SLC24A2: variants seen among roughly 807,000 people sequenced by gnomAD.
SLC24A2 encodes the protein sodium/potassium/calcium exchanger 2.
Under a neutral mutation model 62.0 loss-of-function variants are expected in SLC24A2, and 36 were observed. That is an observed-to-expected ratio of 0.58 (90% CI 0.44 to 0.77). The LOEUF is 0.77. SLC24A2 is among the 30% of genes least tolerant of loss of function. The probability of loss-of-function intolerance (pLI) is 0.00; values close to 1 mark genes in which losing one functional copy is unlikely to be tolerated. For synonymous variants in SLC24A2, 358 were observed against 294.0 expected, an observed-to-expected ratio of 1.22 and a Z score of -2.23; for missense variants, 846 against 817.9, an observed-to-expected ratio of 1.03 and a Z score of -0.42.
chr9:19,961,666 G>C, the SLC24A2 span, among the ~76,000 whole-genome samples: 2 of 152,154 alleles, frequency 1.3e-5, no homozygotes, highest in African/African-American at 4.8e-5. Flanking sequence ...ATTGGACTAA[G>C]TAACTCATTT....
At chr9:19,999,469 G>T in the SLC24A2 span, among the ~76,000 whole-genome samples, 3 of 152,236 alleles carry the variant, frequency 2.0e-5, no homozygotes, top group Admixed American at 1.3e-4. Flanking sequence ...GGTAGGAATT[G>T]CTTGATGTAT....
the SLC24A2 span, among the ~76,000 whole-genome samples, chr9:20,213,589 A>T: frequency 6.6e-6 from 1 of 152,104 alleles, no homozygotes; most frequent in Non-Finnish European, 1.5e-5. Flanking sequence ...TGAAAAAGAA[A>T]ATAAATATTT....
At position 19,557,222 on chromosome 9, in the gene SLC24A2, A is replaced by T. The variant is rs537312739; in HGVS notation, c.1348-6954T>A. On this transcript the variant is annotated intron_variant, in intron 7 of 10. Transcript: ENST00000341998. ...GGGCTTTACATCCAGTTATACCAGG[A>T]TTCTCAGCTTTGTTTTGTAATAAAT... 5.8e-4 allele frequency among the ~76,000 whole-genome samples: 88 copies of T among 152,326 alleles called. 1 individual carries two copies. Among genetic ancestry groups the T allele is most frequent in the African/African-American group, 2.0e-3 (85 of 41,568 alleles).
the SLC24A2 span, among the ~76,000 whole-genome samples, chr9:20,261,854 C>A: frequency 6.4e-3 from 947 of 149,120 alleles, 6 homozygotes; most frequent in African/African-American, 0.023. Flanking sequence ...ATTCTCCTGC[C>A]TCAGCCTCCC....
the SLC24A2 span, among the ~76,000 whole-genome samples, chr9:20,275,067 G>GA: frequency 6.6e-6 from 1 of 151,704 alleles, no homozygotes; most frequent in South Asian, 2.1e-4. Context: ...AAGATGATGC[G>GA]ACCCAGCAGG....
the SLC24A2 span, among the ~76,000 whole-genome samples, chr9:20,203,693 A>G: frequency 1.3e-5 from 2 of 152,108 alleles, no homozygotes; most frequent in Non-Finnish European, 2.9e-5. Flanking sequence ...AGAAAAAAAA[A>G]AAGAAGAAGA....
chr9:19,686,493 T>C (rs892615386), intron 2 of SLC24A2, among the ~76,000 whole-genome samples: 1 of 152,086 alleles, frequency 6.6e-6, no homozygotes, highest in Admixed American at 6.6e-5. Context: ...CCAAATCTCA[T>C]CTTGAGTTGT....
the SLC24A2 span, among the ~76,000 whole-genome samples, chr9:20,105,474 A>G: frequency 1.1e-4 from 17 of 150,476 alleles, no homozygotes; most frequent in African/African-American, 4.2e-4. Flanking sequence ...CAAATGTAAA[A>G]GAACAGAAAT....
chr9:20,194,763 A>G, the SLC24A2 span, among the ~76,000 whole-genome samples: 1 of 151,682 alleles, frequency 6.6e-6, no homozygotes, highest in Non-Finnish European at 1.5e-5. Flanking sequence ...CCACATTTCT[A>G]TTTGATTATT....
chr9:19,804,097 T>A, the SLC24A2 span, among the ~76,000 whole-genome samples: 1 of 152,186 alleles, frequency 6.6e-6, no homozygotes, highest in African/African-American at 2.4e-5. Context: ...GTTTTGGCTA[T>A]TCAGGGTCTC....
chr9:20,012,872 C>T, the SLC24A2 span, among the ~76,000 whole-genome samples: 1 of 151,280 alleles, frequency 6.6e-6, no homozygotes, highest in African/African-American at 2.4e-5. Flanking sequence ...ATGTTGAAAA[C>T]TATAATCACT....
intron 7 of SLC24A2, among the ~76,000 whole-genome samples, chr9:19,560,580 G>C (rs1297642572): frequency 6.6e-6 from 1 of 152,162 alleles, no homozygotes; most frequent in Non-Finnish European, 1.5e-5. Flanking sequence ...ACCAGAGACT[G>C]AATCTGCCAG....
chr9:19,892,505 A>C, the SLC24A2 span, among the ~76,000 whole-genome samples: 83 of 152,300 alleles, frequency 5.4e-4, no homozygotes, highest in Non-Finnish European at 9.6e-4. Context: ...ATGTTTGCTG[A>C]CTGCCTGCCT....
the SLC24A2 span, among the ~76,000 whole-genome samples, chr9:20,295,811 G>A: frequency 6.6e-6 from 1 of 152,150 alleles, no homozygotes; most frequent in African/African-American, 2.4e-5. Context: ...CACACTGCCA[G>A]CATCCCAGGG....
chr9:20,297,218 G>A, the SLC24A2 span, among the ~76,000 whole-genome samples: 2 of 152,130 alleles, frequency 1.3e-5, no homozygotes, highest in Non-Finnish European at 2.9e-5. Context: ...GACTGTCCAG[G>A]TGCTACTGTG....
At chr9:20,112,823 CA>C in the SLC24A2 span, among the ~76,000 whole-genome samples, 1 of 151,914 alleles carries the variant, frequency 6.6e-6, no homozygotes, top group Middle Eastern at 3.2e-3. Flanking sequence ...CCTCACCAGC[CA>C]CCCCCCACCT....
chr9:19,587,014 C>G (rs1836395516), intron 5 of SLC24A2, among the ~76,000 whole-genome samples: 1 of 152,156 alleles, frequency 6.6e-6, no homozygotes, highest in South Asian at 2.1e-4. Context: ...GCCACATATC[C>G]TAAGACCTGC....
the SLC24A2 span, among the ~76,000 whole-genome samples, chr9:20,203,806 G>C: frequency 6.6e-6 from 1 of 152,214 alleles, no homozygotes; most frequent in Non-Finnish European, 1.5e-5. Context: ...TGTGGCAGCG[G>C]TACCTTTATT....
chr9:20,268,153 G>A, the SLC24A2 span, among the ~76,000 whole-genome samples: 1 of 152,186 alleles, frequency 6.6e-6, no homozygotes, highest in Non-Finnish European at 1.5e-5. Context: ...GGGAAGCATG[G>A]CTTAGGATTC....
Sources: gnomAD v4.1 joint callset for allele counts (sites outside exome capture counted in the v4.1 genomes callset) on GRCh38, gnomAD v4.1.1 for gene constraint, MANE v1.5 for transcripts, NCBI Gene and HGNC (gene_info 2026-07-23, HGNC 2026-07-21) for gene names.